The following CALN1 variants were observed in gnomAD, a reference collection of about 807,000 sequenced individuals.
The protein encoded by CALN1 is calneuron 1.
A neutral mutation model predicts 30.6 loss-of-function variants in CALN1; 17 were observed. The observed-to-expected ratio is 0.56, with a 90% CI of 0.38 to 0.83. The LOEUF (loss-of-function observed/expected upper bound fraction) is 0.83, where lower values mean the gene tolerates loss of function less well. Among genes scored for constraint, CALN1 ranks in the 40% least tolerant of loss-of-function variants. The pLI is 0.00. For synonymous variants in CALN1, 156 were observed against 131.4 expected, an observed-to-expected ratio of 1.19 and a Z score of -1.28; for missense variants, 291 against 354.9, an observed-to-expected ratio of 0.82 and a Z score of 1.45.
At chr7:72,373,738 G>A (rs954186697) in intron 2 of CALN1, among the ~76,000 whole-genome samples, 7 of 152,194 alleles carry the variant, frequency 4.6e-5, no homozygotes, top group Non-Finnish European at 7.3e-5. Flanking sequence ...AAGTCAAGAA[G>A]CGTCTGTATG....
Position 72,382,833 on chromosome 7 carries a change from G to A in CALN1, c.119+20418C>T, listed in dbSNP as rs767305199. Among the ~76,000 whole-genome samples, 4 of 152,164 alleles carry A rather than the reference G, an allele frequency of 2.6e-5. No individual in the cohort carries two copies. The East Asian group carries it at 7.7e-4, about 29-fold the overall frequency. ...TTGAGATGGAGTCTCACCATTGCCA[G>A]GCTGGAGTGCAGGAGTGCGATCTTG... is the stretch of plus-strand genomic sequence containing the variant. On this transcript the variant is annotated intron_variant, in intron 2 of 6. Transcript: ENST00000395275.
At chr7:72,107,005 A>G (rs1807217049) in intron 3 of CALN1, among the ~76,000 whole-genome samples, 1 of 149,130 alleles carries the variant, frequency 6.7e-6, no homozygotes, top group Non-Finnish European at 1.5e-5. Flanking sequence ...AAAGAAAAAT[A>G]GAAAGAAAGA....
At chr7:72,386,614 G>A (rs180818733) in intron 2 of CALN1, among the ~76,000 whole-genome samples, 48 of 152,248 alleles carry the variant, frequency 3.2e-4, no homozygotes, top group Admixed American at 2.9e-3. Flanking sequence ...CTTACAGTTG[G>A]AGACATCAGT....
intron 5 of CALN1, among the ~76,000 whole-genome samples, chr7:71,881,906 T>TTA (rs1254789098): frequency 7.3e-5 from 10 of 137,190 alleles, no homozygotes; most frequent in African/African-American, 2.4e-4. Flanking sequence ...TACCCTATAT[T>TTA]TACAAAAAAA....
At chr7:72,427,580 A>AC (rs1406636884) in intron 1 of CALN1, among the ~76,000 whole-genome samples, 1 of 152,158 alleles carries the variant, frequency 6.6e-6, no homozygotes, top group Non-Finnish European at 1.5e-5. Flanking sequence ...AGGCTGAAGT[A>AC]CAGTGGCACA....
intron 4 of CALN1, among the ~76,000 whole-genome samples, chr7:72,025,149 A>C (rs1015006972): frequency 6.6e-6 from 1 of 152,066 alleles, no homozygotes; most frequent in Non-Finnish European, 1.5e-5. Flanking sequence ...TGTCTCTACT[A>C]AAAGTACAAA....
At chr7:71,826,032 CAAAAAAAAAAA>C (rs57512202) in intron 5 of CALN1, among the ~76,000 whole-genome samples, 2 of 43,846 alleles carry the variant, frequency 4.6e-5, no homozygotes, top group East Asian at 8.2e-4. Context: ...GACTCTGTCT[CAAAAAAAAAAA>C]AAAAAAAAAA....
intron 2 of CALN1, chr7:72,336,661 A>AGCGC (rs536514241): frequency 1.0e-5 from 10 of 974,276 alleles, no homozygotes; most frequent in East Asian, 1.1e-4. Flanking sequence ...AAGAAAAGAG[A>AGCGC]GCGCGCGCGC....
At chr7:72,285,942 A>T (rs1798053268) in intron 2 of CALN1, among the ~76,000 whole-genome samples, 1 of 152,214 alleles carries the variant, frequency 6.6e-6, no homozygotes, top group Non-Finnish European at 1.5e-5. Flanking sequence ...AAAGAGCCTA[A>T]CCAGTCCTGA....
intron 3 of CALN1, among the ~76,000 whole-genome samples, chr7:72,125,826 G>C (rs2129542506): frequency 7.2e-6 from 1 of 138,802 alleles, no homozygotes; most frequent in Non-Finnish European, 1.5e-5. Context: ...TTTTGAGACG[G>C]AGTCTTGCCC....
chr7:72,019,694 AGGC>A (rs1562981878), intron 5 of CALN1, among the ~76,000 whole-genome samples: 2 of 152,186 alleles, frequency 1.3e-5, no homozygotes, highest in African/African-American at 2.4e-5. Context: ...GTCAAGCCCA[AGGC>A]TGGTCACAGC....
At chr7:72,220,239 T>C (rs1470683102) in intron 3 of CALN1, among the ~76,000 whole-genome samples, 1 of 136,340 alleles carries the variant, frequency 7.3e-6, no homozygotes. Flanking sequence ...CCCCTTCCTG[T>C]GTCCATGTGT....
At chr7:72,350,285 T>C (rs537069101) in intron 2 of CALN1, among the ~76,000 whole-genome samples, 1 of 152,304 alleles carries the variant, frequency 6.6e-6, no homozygotes, top group South Asian at 2.1e-4. Flanking sequence ...ACTGGGTATA[T>C]ACCCAAAGGA....
intron 5 of CALN1, among the ~76,000 whole-genome samples, chr7:71,983,524 T>C (rs1798507334): frequency 1.4e-5 from 2 of 144,926 alleles, no homozygotes; most frequent in Admixed American, 1.3e-4. Context: ...GACTATCTGA[T>C]TGGATGCTTT....
chr7:72,455,385 T>C, the CALN1 span, among the ~76,000 whole-genome samples: 2 of 149,018 alleles, frequency 1.3e-5, no homozygotes, highest in African/African-American at 4.9e-5. Context: ...GTATATATAA[T>C]ACACACATAT....
intron 5 of CALN1, among the ~76,000 whole-genome samples, chr7:71,959,514 G>A (rs780067180): frequency 5.3e-5 from 8 of 152,262 alleles, no homozygotes; most frequent in African/African-American, 1.9e-4. Context: ...ATAGAGCATA[G>A]GGGTATACCA....
chr7:72,194,086 T>C (rs766994553), intron 3 of CALN1, among the ~76,000 whole-genome samples: 13 of 152,122 alleles, frequency 8.5e-5, no homozygotes, highest in Admixed American at 2.0e-4. Context: ...ACCCACCTGT[T>C]CCCCAAAAAA....
chr7:72,394,371 G>A (rs1435686102), intron 2 of CALN1, among the ~76,000 whole-genome samples: 1 of 152,182 alleles, frequency 6.6e-6, no homozygotes, highest in Non-Finnish European at 1.5e-5. Context: ...TCTAGAAAAT[G>A]TAGCTTTAGC....
chr7:72,043,554 A>G (rs1469888747), intron 4 of CALN1, among the ~76,000 whole-genome samples: 2 of 152,192 alleles, frequency 1.3e-5, no homozygotes. Flanking sequence ...AGATTGCTTG[A>G]GGCCAGGAGT....
Sources: gnomAD v4.1 joint callset for allele counts (sites outside exome capture counted in the v4.1 genomes callset) on GRCh38, gnomAD v4.1.1 for gene constraint, MANE v1.5 for transcripts, NCBI Gene and HGNC (gene_info 2026-07-23, HGNC 2026-07-21) for gene names.